The following SH3PXD2A variants were observed in gnomAD, a reference collection of about 807,000 sequenced individuals.
SH3PXD2A encodes SH3 and PX domain-containing protein 2A.
In SH3PXD2A, 32 loss-of-function variants were observed where a neutral mutation model predicts 115.2. That is an observed-to-expected ratio of 0.28 (90% CI 0.21 to 0.37). The LOEUF (loss-of-function observed/expected upper bound fraction) is 0.37. SH3PXD2A is among the 10% of genes least tolerant of loss of function. The pLI, the probability that SH3PXD2A is intolerant of heterozygous loss-of-function variation, is 1.00. For synonymous variants in SH3PXD2A, 610 were observed against 629.1 expected (o/e 0.97, Z 0.45); for missense variants, 1,328 against 1,498.7 (o/e 0.89, Z 1.88).
intron 8 of SH3PXD2A, among the ~76,000 whole-genome samples, chr10:103,659,561 T>C (rs1208893620): frequency 6.6e-6 from 1 of 152,102 alleles, no homozygotes; most frequent in African/African-American, 2.4e-5. Flanking sequence ...ACCATGAGCA[T>C]GACAAAGGCT....
intron 1 of SH3PXD2A, among the ~76,000 whole-genome samples, chr10:103,819,579 G>A (rs114302154): frequency 0.01 from 1,585 of 152,092 alleles, 33 homozygotes; most frequent in African/African-American, 0.034. Flanking sequence ...AGAGGGAGGA[G>A]GGCAAGGGGG....
intron 3 of SH3PXD2A, among the ~76,000 whole-genome samples, chr10:103,762,226 C>A (rs917743955): frequency 6.6e-6 from 1 of 151,940 alleles, no homozygotes; most frequent in Non-Finnish European, 1.5e-5. Context: ...GGGGGTTTCA[C>A]CATATTGTCC....
At chr10:103,793,853 T>G (rs2039060994) in intron 2 of SH3PXD2A, among the ~76,000 whole-genome samples, 1 of 152,206 alleles carries the variant, frequency 6.6e-6, no homozygotes, top group South Asian at 2.1e-4. Flanking sequence ...GCTTTCAGGT[T>G]GGTTCTTGGC....
At chr10:103,848,455 C>T (rs544784640) in intron 1 of SH3PXD2A, among the ~76,000 whole-genome samples, 2 of 152,260 alleles carry the variant, frequency 1.3e-5, no homozygotes, top group South Asian at 4.1e-4. Context: ...CTATTTAGCT[C>T]CCTCTCCCTG....
At chr10:103,768,605 C>T (rs942105880) in intron 2 of SH3PXD2A, among the ~76,000 whole-genome samples, 12 of 152,230 alleles carry the variant, frequency 7.9e-5, no homozygotes, top group Admixed American at 3.3e-4. Context: ...CAGAGACAGA[C>T]GATCTGCTTC....
At chr10:103,728,687 C>T (rs2038273385) in intron 4 of SH3PXD2A, among the ~76,000 whole-genome samples, 1 of 152,174 alleles carries the variant, frequency 6.6e-6, no homozygotes, top group Non-Finnish European at 1.5e-5. Context: ...GGAAAGAAAC[C>T]TGTAGAGCTT....
Position 103,666,541 on chromosome 10 carries a change from T to C in SH3PXD2A, c.472+2067A>G, listed in dbSNP as rs1390892498. Among the ~76,000 whole-genome samples the C allele has an allele frequency of 6.6e-6, 1 of 152,178 alleles. No individual in the cohort carries two copies. Among genetic ancestry groups the C allele is most frequent in the Non-Finnish European group, 1.5e-5 (1 of 68,044 alleles). ...GTGCCTCAGGACATGACATGGGACA[T>C]AGTAATTACCTGAAATTCATGATGG... On this transcript the variant is annotated intron_variant, in intron 7 of 14. Transcript: ENST00000369774. This position sits in a 1 kb window ranked among gnomAD's most constrained non-coding sequence, Gnocchi z 4.5.
At chr10:103,622,613 A>G in intron 9 of SH3PXD2A, 60 bp from the exon 10 acceptor site, 1 of 653,538 alleles carries the variant, frequency 1.5e-6, no homozygotes. Context: ...GAGAATGGAG[A>G]TGAGGATGAG....
intron 2 of SH3PXD2A, among the ~76,000 whole-genome samples, chr10:103,794,631 C>A (rs1165775018): frequency 6.6e-6 from 1 of 152,238 alleles, no homozygotes; most frequent in Non-Finnish European, 1.5e-5. Context: ...CTCAACTGCA[C>A]CTCCAAGCAA....
chr10:103,801,263 C>T lies in SH3PXD2A; in HGVS notation c.153+19G>A, dbSNP rs756841036. 9.8e-6 allele frequency: 15 copies of T among 1,529,806 alleles called. No homozygotes were observed. The Admixed American group carries it at 1.3e-4, about 14-fold the overall frequency. 94.8% of individuals were successfully genotyped at this position (1,529,806 alleles called of 1,614,324 possible). A position where few individuals can be genotyped will look rare whatever the true frequency, so the allele number is the denominator to read the frequency against. On this transcript the variant is annotated intron_variant, in intron 2 of 14. Coordinates refer to ENST00000369774, the MANE Select transcript of SH3PXD2A (RefSeq NM_001394015.1). The stretch of plus-strand genomic sequence containing the variant: ...CACCAGAGAGACTTGGGCCACTGTC[C>T]GAGCTCTGACAAACTCACCTGCAGG...
chr10:103,642,061 C>T (rs976850008), intron 8 of SH3PXD2A, among the ~76,000 whole-genome samples: 6 of 152,064 alleles, frequency 3.9e-5, no homozygotes, highest in African/African-American at 1.4e-4. Context: ...GTACTTAATA[C>T]CCCCAATGAC....
intron 6 of SH3PXD2A, among the ~76,000 whole-genome samples, chr10:103,679,370 G>A (rs1216169784): frequency 2.0e-5 from 3 of 152,224 alleles, no homozygotes; most frequent in African/African-American, 7.2e-5. Context: ...GCTTTAGTCT[G>A]GAAGGAGCCA....
At chr10:103,624,788 T>A (rs897067453) in intron 9 of SH3PXD2A, among the ~76,000 whole-genome samples, 3 of 152,120 alleles carry the variant, frequency 2.0e-5, no homozygotes, top group African/African-American at 4.8e-5. Context: ...CTCTTGGCCA[T>A]GTGGCTGCAG....
intron 2 of SH3PXD2A, among the ~76,000 whole-genome samples, chr10:103,769,134 CTGTGTGTGTGTG>C (rs67426639): frequency 0.078 from 11,054 of 141,938 alleles, 519 homozygotes; most frequent in South Asian, 0.13. Flanking sequence ...AGGCTAGACT[CTGTGTGTGTGTG>C]TGTGTGTGTG....
At chr10:103,853,484 T>C (rs1384251219) in intron 1 of SH3PXD2A, among the ~76,000 whole-genome samples, 1 of 151,742 alleles carries the variant, frequency 6.6e-6, no homozygotes, top group Non-Finnish European at 1.5e-5. Context: ...CTGGGGGAGG[T>C]TTAAATAACT....
At chr10:103,705,084 C>T (rs559467592) in intron 5 of SH3PXD2A, among the ~76,000 whole-genome samples, 58 of 152,300 alleles carry the variant, frequency 3.8e-4, no homozygotes, top group Non-Finnish European at 7.4e-4. Flanking sequence ...ACCCTGAATG[C>T]TCCTGGGCCA....
At chr10:103,718,456 T>C (rs1481100981) in intron 5 of SH3PXD2A, among the ~76,000 whole-genome samples, 1 of 151,798 alleles carries the variant, frequency 6.6e-6, no homozygotes, top group Non-Finnish European at 1.5e-5. Context: ...CCCCTGCCCA[T>C]TGACCCCTTA....
At chr10:103,816,357 G>T (rs1161566647) in intron 1 of SH3PXD2A, among the ~76,000 whole-genome samples, 1 of 152,186 alleles carries the variant, frequency 6.6e-6, no homozygotes, top group East Asian at 1.9e-4. Flanking sequence ...GATCTGAATA[G>T]ATTTTTCTCC....
At position 103,766,973 on chromosome 10, in the gene SH3PXD2A, T is replaced by C. The variant is rs41310320; in HGVS notation, c.229+121A>G. The C allele has an allele frequency of 2.5e-3, 1,743 of 700,686 alleles. 7 individuals carry two copies. The highest frequency in any genetic ancestry group is 6.1e-3 in the Admixed American group (270 of 43,972). 43.4% of individuals were successfully genotyped at this position (700,686 alleles called of 1,614,324 possible). ...CCAAATCCCCTGGGGGAATTGTTCA[T>C]ATGCAGATTCCTGGGCATGCCCCGC... On this transcript the variant is annotated intron_variant, in intron 3 of 14. Transcript: ENST00000369774.
Sources: allele counts gnomAD v4.1 joint callset (sites outside exome capture counted in the v4.1 genomes callset), GRCh38; gene constraint gnomAD v4.1.1; non-coding constraint Gnocchi (gnomAD v3.1); transcripts MANE v1.5; gene names NCBI Gene and HGNC (gene_info 2026-07-23, HGNC 2026-07-21).